Variants in BRIP1 observed in about 807,000 individuals in gnomAD.
BRIP1 encodes the protein BRCA1 interacting DNA helicase 1, also known as Fanconi anemia group J protein.
BRIP1 carries 88 observed loss-of-function variants against 119.7 expected under a neutral mutation model. The observed-to-expected ratio is 0.74, with a 90% CI of 0.62 to 0.88. The LOEUF (loss-of-function observed/expected upper bound fraction) is 0.88, where lower values mean the gene tolerates loss of function less well. Among genes scored for constraint, BRIP1 ranks in the 40% least tolerant of loss-of-function variants. The probability of loss-of-function intolerance (pLI) is 0.00; values close to 1 mark genes in which losing one functional copy is unlikely to be tolerated. For synonymous variants in BRIP1, 443 were observed against 496.5 expected (o/e 0.89, Z 1.43); for missense variants, 1,259 against 1,455.4 (o/e 0.87, Z 2.20).
chr17:61,813,985 G>A (rs1482641780), intron 6 of BRIP1, among the ~76,000 whole-genome samples: 1 of 151,980 alleles, frequency 6.6e-6, no homozygotes, highest in East Asian at 1.9e-4. Flanking sequence ...CATAAAAATT[G>A]TTTTAACTTA....
intron 10 of BRIP1, among the ~76,000 whole-genome samples, chr17:61,786,959 ATAT>A (rs1325382671): frequency 6.5e-5 from 6 of 91,638 alleles, no homozygotes; most frequent in Admixed American, 1.4e-4. Flanking sequence ...TAATATATTT[ATAT>A]TATATTTATA....
In BRIP1 at chr17:61,858,149, T is replaced by C. The variant is rs145476375; in HGVS notation, c.206-918A>G. ...AAGTTTACATTGTGTGCCTACATTG[T>C]ATACAAATGTACAATTCATATACCC... is the stretch of plus-strand genomic sequence containing the variant. On this transcript the variant is annotated intron_variant, in intron 3 of 19. Transcript: ENST00000259008. Among the ~76,000 whole-genome samples, 1,167 of 152,324 alleles carry C rather than the reference T, an allele frequency of 7.7e-3. 10 individuals are homozygous for C. The highest frequency in any genetic ancestry group is 0.025 in the African/African-American group (1,058 of 41,580).
intron 16 of BRIP1, among the ~76,000 whole-genome samples, chr17:61,731,625 T>C (rs1410585841): frequency 1.3e-5 from 2 of 152,356 alleles, no homozygotes; most frequent in East Asian, 3.9e-4. Context: ...GAGAATACTC[T>C]TATCCATTCT....
chr17:61,860,106 T>C lies in BRIP1; in HGVS notation c.94-199A>G, dbSNP rs1408342794. Among the ~76,000 whole-genome samples, 1 of 152,120 alleles carries C rather than the reference T, an allele frequency of 6.6e-6. No homozygotes were observed. The highest frequency in any genetic ancestry group is 2.4e-5 in the African/African-American group (1 of 41,400). On this transcript the variant is annotated intron_variant, in intron 2 of 19. Transcript: ENST00000259008. The surrounding 1 kb of genome is among the most constrained non-coding windows in gnomAD (Gnocchi z 4.1). ...TCCCTAAGATTATCTTACTAAAATA[T>C]CAAGCACAAGAGAAGAAATGAAAAG... is the stretch of plus-strand genomic sequence containing the variant.
At chr17:61,716,928 T>G (rs987069685) in intron 16 of BRIP1, among the ~76,000 whole-genome samples, 3 of 127,102 alleles carry the variant, frequency 2.4e-5, no homozygotes, top group Admixed American at 7.9e-5. Context: ...CCACTTCACA[T>G]ATGATGTAAA....
rs1418122311 is a variant in BRIP1 at position 61,851,100 on chromosome 17, T to A, written c.380-1844A>T. On this transcript the variant is annotated intron_variant, in intron 4 of 19. Coordinates refer to ENST00000259008, the MANE Select transcript of BRIP1 (RefSeq NM_032043.3). The surrounding 1 kb of genome is among the most constrained non-coding windows in gnomAD (Gnocchi z 4.6). ...AAAATTAGCTGGGCATGGTGGTGCA[T>A]GCCTGTAATCCCAGCTACTTGGGAG... Among the ~76,000 whole-genome samples, 1 of 147,322 alleles carries A rather than the reference T, an allele frequency of 6.8e-6. No homozygotes were observed.
In BRIP1 at chr17:61,836,546, T is replaced by C. The variant is rs532865158; in HGVS notation, c.627+10555A>G. Among the ~76,000 whole-genome samples the C allele has an allele frequency of 2.6e-5, 4 of 152,304 alleles. No homozygotes were observed. The East Asian group carries it at 5.8e-4, about 22-fold the overall frequency. On this transcript the variant is annotated intron_variant, in intron 6 of 19. Transcript: ENST00000259008. ...GGTGAATCATACATCTACTTAACTA[T>C]GGCCATTTTTTTCATTCATTTATTC...
intron 13 of BRIP1, among the ~76,000 whole-genome samples, chr17:61,777,974 C>T (rs879419765): frequency 2.6e-5 from 4 of 152,096 alleles, no homozygotes; most frequent in Non-Finnish European, 4.4e-5. Flanking sequence ...CCTAGGAGCC[C>T]CCTACCATTA....
Position 61,852,744 on chromosome 17 carries a change from A to G in BRIP1, c.380-3488T>C, listed in dbSNP as rs2145794084. Among the ~76,000 whole-genome samples the G allele has an allele frequency of 6.6e-6, 1 of 152,304 alleles. No homozygotes were observed. The highest frequency in any genetic ancestry group is 1.5e-5 in the Non-Finnish European group (1 of 68,022). ...AAGAGGGTATCCAAATGACCAATAA[A>G]CATATGAAGTCACCAGAGAAATACT... On this transcript the variant is annotated intron_variant, in intron 4 of 19. Transcript: ENST00000259008. This position sits in a 1 kb window ranked among gnomAD's most constrained non-coding sequence, Gnocchi z 4.9.
chr17:61,738,047 G>A lies in BRIP1; in HGVS notation c.2379+4966C>T, dbSNP rs184987944. On this transcript the variant is annotated intron_variant, in intron 16 of 19. Coordinates refer to ENST00000259008, the MANE Select transcript of BRIP1 (RefSeq NM_032043.3). The surrounding 1 kb of genome is among the most constrained non-coding windows in gnomAD (Gnocchi z 4.2). ...TGCCATTGCAATAATAACATGCCTT[G>A]GCTAGTCTGTTGGTCCACAAAGAAT... 6.6e-6 allele frequency among the ~76,000 whole-genome samples: 1 copy of A among 152,124 alleles called. No homozygotes were observed. Among genetic ancestry groups the A allele is most frequent in the Admixed American group, 6.5e-5 (1 of 15,276 alleles).
In BRIP1 at chr17:61,846,228, G is replaced by GAGAGAGACAGAGAGAAAA. The variant is rs2078728167; in HGVS notation, c.627+872_627+873insTTTTCTCTCTGTCTCTCT. ...AAATTTAAAAAATTATATACATATAGAGAGAGAGAGAGAGAAAAAGAGAGA... is the reference window on the plus strand; with the variant it reads ...AAATTTAAAAAATTATATACATATAGAGAGAGACAGAGAGAAAAAGAGAGAGAGAGAGAAAAAGAGAGA... On this transcript the variant is annotated intron_variant, in intron 6 of 19. Transcript: ENST00000259008. The surrounding 1 kb of genome is among the most constrained non-coding windows in gnomAD (Gnocchi z 4.3). 7.0e-6 allele frequency among the ~76,000 whole-genome samples: 1 copy of GAGAGAGACAGAGAGAAAA among 143,648 alleles called. No homozygotes were observed. Among genetic ancestry groups the GAGAGAGACAGAGAGAAAA allele is most frequent in the Non-Finnish European group, 1.6e-5 (1 of 63,340 alleles). 94.2% of individuals were successfully genotyped at this position (143,648 alleles called of 152,430 possible).
rs539261407 is a variant in BRIP1, at chr17:61,860,483, A to G, written c.94-576T>C. 4.1e-4 allele frequency among the ~76,000 whole-genome samples: 63 copies of G among 152,250 alleles called. No homozygotes were observed. Among genetic ancestry groups the G allele is most frequent in the African/African-American group, 1.4e-3 (57 of 41,556 alleles). On this transcript the variant is annotated intron_variant, in intron 2 of 19. Coordinates refer to ENST00000259008, the MANE Select transcript of BRIP1 (RefSeq NM_032043.3). The surrounding 1 kb of genome is among the most constrained non-coding windows in gnomAD (Gnocchi z 4.1). ...GAGACCAGCCTGGCCAACACGGTGAAAACCCGTCTCTACTAAAAATCCAAA... is the reference window on the plus strand; with the variant it reads ...GAGACCAGCCTGGCCAACACGGTGAGAACCCGTCTCTACTAAAAATCCAAA...
chr17:61,784,855 T>C (rs1408086769), intron 10 of BRIP1, among the ~76,000 whole-genome samples: 2 of 152,180 alleles, frequency 1.3e-5, no homozygotes, highest in African/African-American at 4.8e-5. Flanking sequence ...AATTAGATGC[T>C]GGAGCCATGC....
chr17:61,859,939 A>T, intron 2 of BRIP1, 32 bp from the exon 3 acceptor site: 3 of 1,434,768 alleles, frequency 2.1e-6, no homozygotes, highest in Non-Finnish European at 2.0e-6. Flanking sequence ...AAAATAATAA[A>T]CATATTAACT....
At chr17:61,727,770 GTCTCTC>G (rs113514842) in intron 16 of BRIP1, among the ~76,000 whole-genome samples, 3 of 140,444 alleles carry the variant, frequency 2.1e-5, no homozygotes, top group Non-Finnish European at 3.1e-5. Context: ...CTGTCTGTCT[GTCTCTC>G]TCTCTCTCTC....
At chr17:61,813,178 T>C (rs2145463206) in intron 6 of BRIP1, among the ~76,000 whole-genome samples, 1 of 151,012 alleles carries the variant, frequency 6.6e-6, no homozygotes, top group African/African-American at 2.4e-5. Flanking sequence ...ACTAAGTATA[T>C]AAAGAAGTAG....
rs1415750401 is a variant in BRIP1, at chr17:61,710,709, A to T, written c.2492+5242T>A. On this transcript the variant is annotated intron_variant, in intron 17 of 19. Coordinates refer to ENST00000259008, the MANE Select transcript of BRIP1 (RefSeq NM_032043.3). The surrounding 1 kb of genome is among the most constrained non-coding windows in gnomAD (Gnocchi z 5.4). Reference sequence around the variant, plus strand: ...GAAAAAGCAGGTATTACAGTTTTAGAAATGGATGGGAACAAGATGTAAAGG... The same window carrying T: ...GAAAAAGCAGGTATTACAGTTTTAGTAATGGATGGGAACAAGATGTAAAGG... 1.3e-5 allele frequency among the ~76,000 whole-genome samples: 2 copies of T among 152,160 alleles called. No homozygotes were observed. Among genetic ancestry groups the T allele is most frequent in the Non-Finnish European group, 2.9e-5 (2 of 68,036 alleles).
rs2078716199 is a variant in BRIP1, at chr17:61,845,612, T to C, written c.627+1489A>G. On this transcript the variant is annotated intron_variant, in intron 6 of 19. Transcript: ENST00000259008. The surrounding 1 kb of genome is among the most constrained non-coding windows in gnomAD (Gnocchi z 4.2). ...GAAAGCTCAAATTTTATCTGGCTCA[T>C]TTTATCATAAAGAATTACCATGGTT... 6.6e-6 allele frequency among the ~76,000 whole-genome samples: 1 copy of C among 152,196 alleles called. No homozygotes were observed. The highest frequency in any genetic ancestry group is 6.5e-5 in the Admixed American group (1 of 15,276).
In BRIP1 at chr17:61,757,217, T is replaced by C. The variant is rs1422334587; in HGVS notation, c.2098-12626A>G. Among the ~76,000 whole-genome samples the C allele has an allele frequency of 6.6e-6, 1 of 152,190 alleles. No homozygotes were observed. Among genetic ancestry groups the C allele is most frequent in the Non-Finnish European group, 1.5e-5 (1 of 68,036 alleles). On this transcript the variant is annotated intron_variant, in intron 14 of 19. Transcript: ENST00000259008. The surrounding 1 kb of genome is among the most constrained non-coding windows in gnomAD (Gnocchi z 4.3). ...AGTAAAAATGAATGTCCTTAATTTTTGCTAAATACAAACTGAAAATATAAG... is the reference window on the plus strand; with the variant it reads ...AGTAAAAATGAATGTCCTTAATTTTCGCTAAATACAAACTGAAAATATAAG...
Sources: gnomAD v4.1 joint callset for allele counts (sites outside exome capture counted in the v4.1 genomes callset) on GRCh38, gnomAD v4.1.1 for gene constraint, Gnocchi (gnomAD v3.1) non-coding constraint, MANE v1.5 for transcripts, NCBI Gene and HGNC (gene_info 2026-07-23, HGNC 2026-07-21) for gene names.